The following CGRRF1 variants were observed in gnomAD, a reference collection of about 807,000 sequenced individuals.
The protein encoded by CGRRF1 is cell growth regulator with ring finger domain 1.
In CGRRF1, 32 loss-of-function variants were observed where a neutral mutation model predicts 37.2. The ratio of observed to expected loss-of-function variants is 0.86; its 90% CI spans 0.65 to 1.16. The LOEUF is 1.16. Among genes scored for constraint, CGRRF1 ranks in the 50% most tolerant of loss-of-function variants. The pLI is 0.00. For synonymous variants in CGRRF1, 141 were observed against 140.3 expected (o/e 1.00, Z -0.04); for missense variants, 391 against 382.6 (o/e 1.02, Z -0.18).
chr14:54,517,281 T>C (rs2032233007), intron 1 of CGRRF1, among the ~76,000 whole-genome samples: 1 of 152,204 alleles, frequency 6.6e-6, no homozygotes, highest in Non-Finnish European at 1.5e-5. Flanking sequence ...CTCTAAATAT[T>C]CTTGAGCTTT....
chr14:54,528,405 TATG>T (rs1489055796), intron 2 of CGRRF1, among the ~76,000 whole-genome samples: 4 of 152,178 alleles, frequency 2.6e-5, no homozygotes, highest in Non-Finnish European at 4.4e-5. Context: ...AGCATTTTGC[TATG>T]ATAACTAGTG....
At chr14:54,522,802 A>AC (rs1346427452) in intron 2 of CGRRF1, among the ~76,000 whole-genome samples, 1 of 152,230 alleles carries the variant, frequency 6.6e-6, no homozygotes, top group Non-Finnish European at 1.5e-5. Context: ...CACCTAGTAA[A>AC]CAGAGGTAGA....
intron 4 of CGRRF1, chr14:54,536,180 T>C (rs943377845): frequency 3.3e-5 from 5 of 152,228 alleles, no homozygotes; most frequent in African/African-American, 9.6e-5. Flanking sequence ...ATGCTACATA[T>C]GCTGTTTTGT....
At chr14:54,511,526 C>T (rs1455352373) in intron 1 of CGRRF1, among the ~76,000 whole-genome samples, 1 of 152,192 alleles carries the variant, frequency 6.6e-6, no homozygotes, top group African/African-American at 2.4e-5. Flanking sequence ...TAATTTTCCT[C>T]CACTAAGGAA....
At chr14:54,524,285 C>G (rs2032372347) in intron 2 of CGRRF1, among the ~76,000 whole-genome samples, 1 of 152,092 alleles carries the variant, frequency 6.6e-6, no homozygotes, top group Non-Finnish European at 1.5e-5. Flanking sequence ...ATCTTTCCTG[C>G]CTCTAACTCT....
intron 1 of CGRRF1, among the ~76,000 whole-genome samples, chr14:54,516,800 C>G (rs2032225485): frequency 6.6e-6 from 1 of 152,132 alleles, no homozygotes; most frequent in Admixed American, 6.5e-5. Context: ...AGTTACATGG[C>G]TGACTAAAAG....
chr14:54,511,607 C>T (rs559982506), intron 1 of CGRRF1, among the ~76,000 whole-genome samples: 1 of 152,256 alleles, frequency 6.6e-6, no homozygotes, highest in African/African-American at 2.4e-5. Flanking sequence ...AATTAGATAT[C>T]TTAGATATCA....
At chr14:54,513,076 C>T (rs2032155935) in intron 1 of CGRRF1, among the ~76,000 whole-genome samples, 2 of 152,228 alleles carry the variant, frequency 1.3e-5, no homozygotes, top group Non-Finnish European at 2.9e-5. Context: ...TCCAATCTCT[C>T]TGTTAAAATA....
chr14:54,511,073 C>T (rs1420362284), intron 1 of CGRRF1, among the ~76,000 whole-genome samples: 1 of 152,146 alleles, frequency 6.6e-6, no homozygotes, highest in East Asian at 1.9e-4. Context: ...ACAGCATGAG[C>T]ATAGGGGCAG....
intron 4 of CGRRF1, among the ~76,000 whole-genome samples, chr14:54,532,271 G>T (rs1003647075): frequency 3.3e-5 from 5 of 152,052 alleles, no homozygotes; most frequent in Non-Finnish European, 7.4e-5. Flanking sequence ...TAGGTTTTTG[G>T]TTTTTAATAT....
At chr14:54,536,945 C>G (rs1402483787) in intron 4 of CGRRF1, 1 of 151,920 alleles carries the variant, frequency 6.6e-6, no homozygotes, top group Non-Finnish European at 1.5e-5. Flanking sequence ...TCTTCTAGTA[C>G]TTGTACAGTT....
chr14:54,532,824 C>A (rs2032538347), intron 4 of CGRRF1, among the ~76,000 whole-genome samples: 1 of 152,030 alleles, frequency 6.6e-6, no homozygotes, highest in Non-Finnish European at 1.5e-5. Flanking sequence ...TGGCTTCCTC[C>A]CTCCTTTCTC....
intron 2 of CGRRF1, among the ~76,000 whole-genome samples, chr14:54,523,919 C>G (rs1400772471): frequency 6.6e-6 from 1 of 152,168 alleles, no homozygotes; most frequent in Non-Finnish European, 1.5e-5. Context: ...TTCTTGAAAA[C>G]AAATAAGCCA....
intron 5 of CGRRF1, 88 bp from the exon 6 acceptor site, chr14:54,537,975 T>C: frequency 6.8e-7 from 1 of 1,468,524 alleles, no homozygotes; most frequent in Non-Finnish European, 9.0e-7. Flanking sequence ...TGCTAGCTCA[T>C]AAATTTTAAG....
At chr14:54,512,463 A>G (rs1309516677) in intron 1 of CGRRF1, among the ~76,000 whole-genome samples, 3 of 152,274 alleles carry the variant, frequency 2.0e-5, no homozygotes, top group Admixed American at 6.5e-5. Flanking sequence ...TCAAATAATC[A>G]GGGACCATGA....
chr14:54,530,256 A>G (rs1037543682), intron 3 of CGRRF1, 30 bp downstream of exon 3: 1 of 1,528,730 alleles, frequency 6.5e-7, no homozygotes, highest in African/African-American at 1.4e-5. Context: ...ACCCATTAGC[A>G]CTGAAAATTA....
intron 4 of CGRRF1, among the ~76,000 whole-genome samples, chr14:54,532,541 A>G (rs2140065733): frequency 6.6e-6 from 1 of 152,272 alleles, no homozygotes; most frequent in South Asian, 2.1e-4. Flanking sequence ...TTATAATAGT[A>G]ACCATTTCAC....
intron 2 of CGRRF1, 60 bp downstream of exon 2, chr14:54,522,653 T>C: frequency 6.9e-7 from 1 of 1,453,296 alleles, no homozygotes. Flanking sequence ...TTAGCCCTTT[T>C]ATTTTCTTTC....
chr14:54,513,689 T>C (rs2032169526), intron 1 of CGRRF1, among the ~76,000 whole-genome samples: 1 of 152,038 alleles, frequency 6.6e-6, no homozygotes, highest in South Asian at 2.1e-4. Flanking sequence ...TGCAGTGGCA[T>C]GATTTTGGCT....
Sources: gnomAD v4.1 joint callset for allele counts (sites outside exome capture counted in the v4.1 genomes callset) on GRCh38, gnomAD v4.1.1 for gene constraint, MANE v1.5 for transcripts, NCBI Gene and HGNC (gene_info 2026-07-23, HGNC 2026-07-21) for gene names.